Variants in BMP6 observed in about 807,000 individuals in gnomAD.
BMP6 encodes VG-1-R.
Under a neutral mutation model 54.1 loss-of-function variants are expected in BMP6, and 17 were observed. The observed-to-expected ratio is 0.31, with a 90% CI of 0.22 to 0.47. The LOEUF is 0.47. Among genes scored for constraint, BMP6 ranks in the 20% least tolerant of loss-of-function variants. The pLI, the probability that BMP6 is intolerant of heterozygous loss-of-function variation, is 1.00. For missense variants in BMP6, 720 were observed against 690.4 expected (o/e 1.04, Z -0.48); for synonymous variants, 328 against 291.2 (o/e 1.13, Z -1.28).
intron 2 of BMP6, among the ~76,000 whole-genome samples, chr6:7,848,720 C>T (rs982921812): frequency 6.6e-6 from 1 of 152,216 alleles, no homozygotes; most frequent in Non-Finnish European, 1.5e-5. Context: ...CAATAGTCTG[C>T]ATCATTAAGC....
At chr6:7,852,515 T>A (rs1333154763) in intron 2 of BMP6, among the ~76,000 whole-genome samples, 1 of 152,242 alleles carries the variant, frequency 6.6e-6, no homozygotes. Flanking sequence ...AGGTTGAGGC[T>A]GCAGTGAGCT....
intron 1 of BMP6, among the ~76,000 whole-genome samples, chr6:7,803,205 C>A (rs370514045): frequency 6.6e-6 from 1 of 152,070 alleles, no homozygotes; most frequent in Non-Finnish European, 1.5e-5. Context: ...GTAGAAAGAC[C>A]GTGACTGGCT....
intron 1 of BMP6, among the ~76,000 whole-genome samples, chr6:7,836,597 T>C (rs1353183407): frequency 6.6e-6 from 1 of 152,218 alleles, no homozygotes; most frequent in Non-Finnish European, 1.5e-5. Context: ...GCTTCTCTAC[T>C]GTTTTTTCAA....
chr6:7,862,460 C>T lies in BMP6; in HGVS notation c.1166C>T (p.Thr389Ile). 2 of 1,614,188 alleles carry T rather than the reference C, an allele frequency of 1.2e-6. No homozygotes were observed. The highest frequency in any genetic ancestry group is 1.7e-6 in the Non-Finnish European group (2 of 1,180,044). ...RRRQQSRNRS[T>I]QSQDVARVSS... ...CGACAACAGAGTCGTAATCGCTCTA[C>T]CCAGTCCCAGGACGTGGCGCGGGTC... is the stretch of plus-strand genomic sequence containing the variant. The change falls in exon 4 of 7, where the codon ACC (threonine) becomes ATC (isoleucine). Residue 389 changes from threonine (T) to isoleucine (I), a missense_variant. This residue lies in a region of BMP6 where 650 missense variants were observed against 556.3 expected (regional missense o/e 1.17). Transcript: ENST00000283147.
At chr6:7,852,825 G>A (rs1483452685) in intron 2 of BMP6, among the ~76,000 whole-genome samples, 1 of 152,152 alleles carries the variant, frequency 6.6e-6, no homozygotes, top group Non-Finnish European at 1.5e-5. Flanking sequence ...GGAAATGTTG[G>A]AGTTCAAGGA....
intron 1 of BMP6, among the ~76,000 whole-genome samples, chr6:7,843,369 T>G (rs1038124651): frequency 2.6e-5 from 4 of 151,924 alleles, no homozygotes; most frequent in Non-Finnish European, 5.9e-5. Context: ...ATGGCTTAAC[T>G]TAGCTTCTGC....
chr6:7,828,323 T>C (rs1052462662), intron 1 of BMP6, among the ~76,000 whole-genome samples: 1 of 152,176 alleles, frequency 6.6e-6, no homozygotes, highest in Non-Finnish European at 1.5e-5. Flanking sequence ...GGGATCCAAG[T>C]TTTGTCTATT....
intron 1 of BMP6, among the ~76,000 whole-genome samples, chr6:7,751,629 A>C (rs546094140): frequency 6.6e-6 from 1 of 152,210 alleles, no homozygotes; most frequent in African/African-American, 2.4e-5. Flanking sequence ...TATATTTACA[A>C]ATCTCTATGG....
intron 1 of BMP6, among the ~76,000 whole-genome samples, chr6:7,841,696 G>A (rs542005748): frequency 6.6e-6 from 1 of 152,256 alleles, no homozygotes; most frequent in East Asian, 1.9e-4. Flanking sequence ...TAATGGGATG[G>A]GCGTGAGAGT....
chr6:7,808,159 A>G (rs796095379), intron 1 of BMP6, among the ~76,000 whole-genome samples: 26 of 152,028 alleles, frequency 1.7e-4, no homozygotes, highest in African/African-American at 6.0e-4. Context: ...TGACCTTGTG[A>G]TCTGCCCACC....
intron 1 of BMP6, among the ~76,000 whole-genome samples, chr6:7,813,102 AAAAAAAATATATATATATATATATATAT>A (rs1758458903): frequency 7.1e-5 from 3 of 42,018 alleles, no homozygotes; most frequent in African/African-American, 3.9e-4. Context: ...AAAAAAAAAA[AAAAAAAATATATATATATATATATATAT>A]ATATATATAT....
In BMP6 at chr6:7,879,663, G is replaced by A. The variant is rs573635390; in HGVS notation, c.1282-328G>A. Among the ~76,000 whole-genome samples the A allele has an allele frequency of 7.2e-5, 11 of 152,264 alleles. No homozygotes were observed. The East Asian group carries it at 2.1e-3, about 29-fold the overall frequency. On this transcript the variant is annotated intron_variant, in intron 5 of 6. Coordinates refer to ENST00000283147, the MANE Select transcript of BMP6 (RefSeq NM_001718.6). ...CGATAAAAGGTAGCTTCCATATGCA[G>A]GTGGCACTACTTCCGCAGGAGCACC...
At chr6:7,769,445 C>A (rs987378574) in intron 1 of BMP6, among the ~76,000 whole-genome samples, 2 of 152,224 alleles carry the variant, frequency 1.3e-5, no homozygotes, top group Non-Finnish European at 2.9e-5. Context: ...AGTTTGCTAT[C>A]GCCTGGCTTT....
chr6:7,838,723 A>C (rs920812449), intron 1 of BMP6, among the ~76,000 whole-genome samples: 3 of 152,118 alleles, frequency 2.0e-5, no homozygotes, highest in Non-Finnish European at 4.4e-5. Flanking sequence ...CGGGTGGATC[A>C]CGAGGTCAGG....
intron 1 of BMP6, among the ~76,000 whole-genome samples, chr6:7,831,198 C>G (rs192376651): frequency 6.6e-6 from 1 of 152,292 alleles, no homozygotes; most frequent in Non-Finnish European, 1.5e-5. Context: ...AAGCCAGTCA[C>G]AAAGGATCAC....
chr6:7,846,243 C>T (rs1759061717), intron 2 of BMP6, among the ~76,000 whole-genome samples: 1 of 152,152 alleles, frequency 6.6e-6, no homozygotes, highest in Admixed American at 6.5e-5. Context: ...TCCATGCTTC[C>T]AGACTCCGTA....
chr6:7,776,722 T>C (rs1488131674), intron 1 of BMP6, among the ~76,000 whole-genome samples: 1 of 152,158 alleles, frequency 6.6e-6, no homozygotes, highest in Non-Finnish European at 1.5e-5. Flanking sequence ...GCAATCATGA[T>C]TCACTGCAAC....
Position 7,727,570 on chromosome 6 carries a change from C to A in BMP6, c.615C>A (p.Asp205Glu). 6.3e-7 allele frequency: 1 copy of A among 1,585,024 alleles called. No individual in the cohort carries two copies. Among genetic ancestry groups the A allele is most frequent in the South Asian group, 1.1e-5 (1 of 89,002 alleles). ...GGASPLTSAQ[D>E]SAFLNDADMV... ...CGTCCCCACTGACCAGCGCGCAGGA[C>A]AGCGCCTTCCTCAACGACGCGGACA... Residue 205 changes from aspartate (D) to glutamate (E), a missense_variant, in exon 1 of 7, where the codon GAC (aspartate) becomes GAA (glutamate). Around this residue, in one of 3 missense-constraint regions of BMP6, gnomAD observed 650 missense variants for 556.3 expected, o/e 1.17. Transcript: ENST00000283147.
chr6:7,743,089 G>T (rs1757293541), intron 1 of BMP6, among the ~76,000 whole-genome samples: 1 of 152,236 alleles, frequency 6.6e-6, no homozygotes, highest in Admixed American at 6.5e-5. Context: ...GAACTTCAAG[G>T]ATGTAGCCAA....
Sources: gnomAD v4.1 joint callset for allele counts (sites outside exome capture counted in the v4.1 genomes callset) on GRCh38, gnomAD v4.1.1 for gene constraint, gnomAD v4.1.1 regional missense constraint, MANE v1.5 for transcripts, NCBI Gene and HGNC (gene_info 2026-07-23, HGNC 2026-07-21) for gene names.